The following MRPL48 variants were observed in gnomAD, a reference collection of about 807,000 sequenced individuals.
The protein encoded by MRPL48 is mitochondrial ribosomal protein L48.
In MRPL48, 16 loss-of-function variants were observed where a neutral mutation model predicts 32.9. The observed-to-expected ratio is 0.49, with a 90% CI of 0.33 to 0.74. MRPL48 has a LOEUF of 0.74. Ranked by LOEUF, MRPL48 falls within the 30% of genes least tolerant of loss-of-function variation. The pLI is 0.02. For missense variants in MRPL48, 206 were observed against 245.3 expected (o/e 0.84, Z 1.07); for synonymous variants, 94 against 89.2 (o/e 1.05, Z -0.31).
intron 4 of MRPL48, among the ~76,000 whole-genome samples, chr11:73,835,192 A>C (rs1240811161): frequency 8.3e-6 from 1 of 120,698 alleles, no homozygotes; most frequent in Non-Finnish European, 1.6e-5. Context: ...ACCAGGCTGG[A>C]GTGCTGTGGT....
At position 73,803,988 on chromosome 11, in the gene MRPL48, C is replaced by T. The variant is rs180698525; in HGVS notation, c.22-1039C>T. 4.1e-4 allele frequency among the ~76,000 whole-genome samples: 62 copies of T among 152,202 alleles called. 1 individual carries two copies. The highest frequency in any genetic ancestry group is 8.5e-4 in the Admixed American group (13 of 15,268). On this transcript the variant is annotated intron_variant, in intron 1 of 7. Transcript: ENST00000310614. The stretch of plus-strand genomic sequence containing the variant: ...AGGCTAGACTGCAGTGGCGAGATCT[C>T]GGCTCACTGCAACCTCCGCCTCCTG...
At position 73,859,421 on chromosome 11, in the gene MRPL48, A is replaced by G. The variant is rs187236346; in HGVS notation, c.372-486A>G. ...CTCAGCCTCCTGAGTAGCTGGGACT[A>G]CAGGTGTGTGCCACCACACCTAGCT... On this transcript the variant is annotated intron_variant, in intron 5 of 7. Coordinates refer to ENST00000310614, the MANE Select transcript of MRPL48 (RefSeq NM_016055.6). Among the ~76,000 whole-genome samples, 817 of 151,924 alleles carry G rather than the reference A, an allele frequency of 5.4e-3. 8 individuals carry two copies. The highest frequency in any genetic ancestry group is 0.018 in the African/African-American group (739 of 41,434).
chr11:73,825,658 G>A lies in MRPL48; in HGVS notation c.113-50G>A, dbSNP rs553040865. 42 of 1,486,388 alleles carry A rather than the reference G, an allele frequency of 2.8e-5. No individual in the cohort carries two copies. In the East Asian group the frequency reaches 9.5e-4, roughly 34 times the overall value. The allele number at this position is 1,486,388 out of a possible 1,614,324, so 92.1% of individuals were successfully genotyped here. A position where few individuals can be genotyped will look rare whatever the true frequency, so the allele number is the denominator to read the frequency against. On this transcript the variant is annotated intron_variant, in intron 3 of 7. Transcript: ENST00000310614. ...AAGACCCTGTCTCTTAAAAAACAAC[G>A]ATAATAGCAACAACAAAAAAACAGG...
At chr11:73,857,278 T>C (rs1468473712) in intron 5 of MRPL48, among the ~76,000 whole-genome samples, 1 of 151,572 alleles carries the variant, frequency 6.6e-6, no homozygotes, top group Non-Finnish European at 1.5e-5. Context: ...CTACAGGCGC[T>C]CACCACCACG....
chr11:73,801,037 C>T (rs1251674255), intron 1 of MRPL48, among the ~76,000 whole-genome samples: 5 of 151,972 alleles, frequency 3.3e-5, no homozygotes, highest in Admixed American at 1.3e-4. Context: ...TCTCAAACTC[C>T]GGACCTCAGG....
Position 73,843,237 on chromosome 11 carries a change from T to G in MRPL48, c.202-1570T>G, listed in dbSNP as rs1363118522. ...TTGTTTTAACTTTTTTTTTTTTTTT[T>G]TCCCTTGAGATGGAGTCTCGCCCTG... On this transcript the variant is annotated intron_variant, in intron 4 of 7. Coordinates refer to ENST00000310614, the MANE Select transcript of MRPL48 (RefSeq NM_016055.6). 4 of 149,262 alleles carry G rather than the reference T, an allele frequency of 2.7e-5. No homozygotes were observed. In the East Asian group the frequency reaches 8.2e-4, roughly 31 times the overall value. 9.2% of individuals were successfully genotyped at this position (149,262 alleles called of 1,614,324 possible). A position where few individuals can be genotyped will look rare whatever the true frequency, so the allele number is the denominator to read the frequency against.
chr11:73,788,141 A>G, intron 1 of MRPL48, 149 bp downstream of exon 1: 2 of 1,231,006 alleles, frequency 1.6e-6, no homozygotes, highest in South Asian at 3.0e-5. Context: ...CCAGCAGCAC[A>G]TGCGGCTGCC....
At chr11:73,808,383 CT>C in intron 3 of MRPL48, 33 bp downstream of exon 3, 2 of 1,578,568 alleles carry the variant, frequency 1.3e-6, no homozygotes, top group Non-Finnish European at 8.7e-7. Flanking sequence ...AGTTGGCCTG[CT>C]TTAAGTGACC....
At chr11:73,827,770 A>T (rs531299643) in intron 4 of MRPL48, among the ~76,000 whole-genome samples, 1 of 152,278 alleles carries the variant, frequency 6.6e-6, no homozygotes, top group Non-Finnish European at 1.5e-5. Flanking sequence ...TTCTGAGCTC[A>T]TCCTTACAGT....
At chr11:73,813,651 CAGA>C (rs1434956724) in intron 3 of MRPL48, among the ~76,000 whole-genome samples, 1 of 152,112 alleles carries the variant, frequency 6.6e-6, no homozygotes, top group Non-Finnish European at 1.5e-5. Flanking sequence ...CTCCATTAAA[CAGA>C]AGCTTTAGAT....
intron 3 of MRPL48, among the ~76,000 whole-genome samples, chr11:73,815,168 C>T (rs943282633): frequency 6.6e-6 from 1 of 151,962 alleles, no homozygotes; most frequent in African/African-American, 2.4e-5. Flanking sequence ...GTAATCTTAG[C>T]ACTTTGGAAG....
At position 73,788,739 on chromosome 11, in the gene MRPL48, C is replaced by T. The variant is rs11605074; in HGVS notation, c.21+747C>T. Among the ~76,000 whole-genome samples the T allele has an allele frequency of 3.0e-4, 45 of 151,972 alleles. 1 individual carries two copies. Among genetic ancestry groups the T allele is most frequent in the African/African-American group, 1.1e-3 (45 of 41,458 alleles). On this transcript the variant is annotated intron_variant, in intron 1 of 7. Transcript: ENST00000310614. ...TGCCCGCCTCGGCCTCCCAAAGTGC[C>T]GGGATTACAGGCATGAGCCACCGCG...
intron 6 of MRPL48, 39 bp downstream of exon 6, chr11:73,860,048 C>G (rs1039732825): frequency 5.9e-5 from 91 of 1,530,882 alleles, no homozygotes; most frequent in Admixed American, 3.6e-4. Flanking sequence ...ATTTGCTTCT[C>G]CTGGTTCTTT....
In MRPL48 at chr11:73,844,872, G is replaced by A. The variant is rs200899163; in HGVS notation, c.267G>A (p.Gly89=). 1.2e-6 allele frequency: 2 copies of A among 1,613,570 alleles called. No individual in the cohort carries two copies. The highest frequency in any genetic ancestry group is 2.2e-5 in the East Asian group (1 of 44,880). ...ATTTGGGGACAGATTATGAATATGG[G>A]GTTTTAAATATTCATCTGACTGCAT... ...AINLGTDYEY[G]VLNIHLTAYD... Residue 89 remains glycine, a synonymous_variant, in exon 5 of 8, where the codon GGG becomes GGA. Transcript: ENST00000310614.
intron 3 of MRPL48, among the ~76,000 whole-genome samples, chr11:73,808,967 C>A (rs1185718966): frequency 1.3e-5 from 2 of 151,008 alleles, no homozygotes; most frequent in Admixed American, 6.6e-5. Flanking sequence ...CATGGTGAGA[C>A]CCTGTCTCTA....
At chr11:73,851,936 C>T (rs1013118734) in intron 5 of MRPL48, among the ~76,000 whole-genome samples, 2 of 151,924 alleles carry the variant, frequency 1.3e-5, no homozygotes, top group African/African-American at 4.8e-5. Context: ...CACACACACA[C>T]ACACACAGTG....
intron 3 of MRPL48, among the ~76,000 whole-genome samples, chr11:73,825,278 T>TTA (rs541179518): frequency 0.062 from 8,373 of 136,028 alleles, 558 homozygotes; most frequent in African/African-American, 0.17. Flanking sequence ...ACCTTGTTTT[T>TTA]TATATATGTG....
chr11:73,815,243 C>T (rs766974929), intron 3 of MRPL48, among the ~76,000 whole-genome samples: 1 of 151,886 alleles, frequency 6.6e-6, no homozygotes, highest in Non-Finnish European at 1.5e-5. Flanking sequence ...TGGTGAAACC[C>T]CATCTCTACT....
At chr11:73,793,128 C>T (rs1461404167) in intron 1 of MRPL48, among the ~76,000 whole-genome samples, 2 of 152,090 alleles carry the variant, frequency 1.3e-5, no homozygotes, top group Non-Finnish European at 2.9e-5. Context: ...TGCAATGGTG[C>T]GATCTCAGCT....
Sources: gnomAD v4.1 joint callset for allele counts (sites outside exome capture counted in the v4.1 genomes callset) on GRCh38, gnomAD v4.1.1 for gene constraint, MANE v1.5 for transcripts, NCBI Gene and HGNC (gene_info 2026-07-23, HGNC 2026-07-21) for gene names.